The following DSCAML1 variants were observed in gnomAD, a reference collection of about 807,000 sequenced individuals.
DSCAML1 encodes DS cell adhesion molecule like 1.
DSCAML1 carries 38 observed loss-of-function variants against 200.5 expected under a neutral mutation model. The observed-to-expected ratio is 0.19, with a 90% CI of 0.15 to 0.25. DSCAML1 has a LOEUF of 0.25. DSCAML1 is among the 10% of genes least tolerant of loss of function. The pLI, the probability that DSCAML1 is intolerant of heterozygous loss-of-function variation, is 1.00. For missense variants in DSCAML1, 2,223 were observed against 2,858.8 expected (o/e 0.78, Z 5.07); for synonymous variants, 1,215 against 1,165.0 (o/e 1.04, Z -0.87).
At chr11:117,559,948 G>A (rs1277679636) in intron 3 of DSCAML1, among the ~76,000 whole-genome samples, 1 of 152,080 alleles carries the variant, frequency 6.6e-6, no homozygotes, top group Non-Finnish European at 1.5e-5. Context: ...AAGCCAAAGG[G>A]GGAAAGTCCT....
Position 117,489,617 on chromosome 11 carries a change from G to A in DSCAML1, c.2360-7455C>T, listed in dbSNP as rs2049147302. Among the ~76,000 whole-genome samples the A allele has an allele frequency of 6.6e-6, 1 of 152,130 alleles. No individual in the cohort carries two copies. Among genetic ancestry groups the A allele is most frequent in the African/African-American group, 2.4e-5 (1 of 41,434 alleles). On this transcript the variant is annotated intron_variant, in intron 11 of 32. Transcript: ENST00000651296. This position sits in a 1 kb window ranked among gnomAD's most constrained non-coding sequence, Gnocchi z 4.8. ...AGACCCTGGGGGAGTGAAGACCCTG[G>A]TGTGAAGACGGCCCATTTCATTCAA...
At chr11:117,589,421 C>G (rs2051215493) in intron 3 of DSCAML1, among the ~76,000 whole-genome samples, 3 of 152,208 alleles carry the variant, frequency 2.0e-5, no homozygotes, top group African/African-American at 4.8e-5. Flanking sequence ...CCCACCTCCC[C>G]CAACTCAATG....
chr11:117,643,614 GC>G (rs1331911779), intron 3 of DSCAML1, among the ~76,000 whole-genome samples: 1 of 152,170 alleles, frequency 6.6e-6, no homozygotes, highest in Non-Finnish European at 1.5e-5. Context: ...TTAAGGCTGT[GC>G]CGTCTTGGGT....
chr11:117,698,965 C>T (rs547848099), intron 3 of DSCAML1, among the ~76,000 whole-genome samples: 3 of 152,296 alleles, frequency 2.0e-5, no homozygotes, highest in East Asian at 3.9e-4. Flanking sequence ...TCTAGGGCTA[C>T]GGCACTGCAA....
At chr11:117,706,323 T>C (rs979219574) in intron 3 of DSCAML1, among the ~76,000 whole-genome samples, 29 of 152,326 alleles carry the variant, frequency 1.9e-4, no homozygotes, top group Middle Eastern at 6.8e-3. Context: ...CCAATCGGCC[T>C]CTCCTGTTCT....
intron 1 of DSCAML1, among the ~76,000 whole-genome samples, chr11:117,796,066 T>C (rs548745461): frequency 1.3e-4 from 20 of 152,370 alleles, no homozygotes; most frequent in Non-Finnish European, 2.4e-4. Context: ...TCCTCTGCGA[T>C]AGCCTGGAAC....
At chr11:117,648,561 T>A (rs610466) in intron 3 of DSCAML1, among the ~76,000 whole-genome samples, 146,693 of 152,296 alleles carry the variant, frequency 0.96, 70,784 homozygotes, top group Non-Finnish European at 0.99. Context: ...GGGGTCAGAC[T>A]GACCTGTGTG....
chr11:117,585,976 C>T (rs1030561273), intron 3 of DSCAML1, among the ~76,000 whole-genome samples: 18 of 152,208 alleles, frequency 1.2e-4, no homozygotes, highest in Admixed American at 2.0e-4. Flanking sequence ...TCTGCAGCAT[C>T]CAGCACCATG....
At chr11:117,508,756 A>G (rs2049559264) in intron 8 of DSCAML1, among the ~76,000 whole-genome samples, 1 of 152,110 alleles carries the variant, frequency 6.6e-6, no homozygotes, top group Non-Finnish European at 1.5e-5. Context: ...AGGAGGTAGA[A>G]GGTTCTGCAG....
intron 3 of DSCAML1, among the ~76,000 whole-genome samples, chr11:117,758,033 T>G (rs1156391169): frequency 6.6e-6 from 1 of 152,124 alleles, no homozygotes; most frequent in Non-Finnish European, 1.5e-5. Context: ...TCAGGCATGG[T>G]GGCTCACACC....
At chr11:117,756,183 AG>A (rs2054688584) in intron 3 of DSCAML1, among the ~76,000 whole-genome samples, 1 of 152,252 alleles carries the variant, frequency 6.6e-6, no homozygotes, top group Non-Finnish European at 1.5e-5. Context: ...TGGCAGCCCC[AG>A]TTCAGAGCTG....
At chr11:117,630,184 T>C (rs752117658) in intron 3 of DSCAML1, among the ~76,000 whole-genome samples, 6 of 150,462 alleles carry the variant, frequency 4.0e-5, no homozygotes, top group Non-Finnish European at 8.9e-5. Context: ...CATCTCCCAT[T>C]CCAGTGCCCC....
chr11:117,583,528 C>T (rs921727431), intron 3 of DSCAML1, among the ~76,000 whole-genome samples: 2 of 152,166 alleles, frequency 1.3e-5, no homozygotes, highest in African/African-American at 4.8e-5. Context: ...CCTGATTAGC[C>T]CGGCCTACGC....
chr11:117,522,515 C>T (rs1196323176), intron 5 of DSCAML1, among the ~76,000 whole-genome samples: 1 of 152,212 alleles, frequency 6.6e-6, no homozygotes, highest in East Asian at 1.9e-4. Context: ...CTCAGGCTCC[C>T]TGTATAGCTT....
chr11:117,698,741 T>C (rs2053622858), intron 3 of DSCAML1, among the ~76,000 whole-genome samples: 1 of 152,238 alleles, frequency 6.6e-6, no homozygotes, highest in Non-Finnish European at 1.5e-5. Context: ...GAAATGTCTA[T>C]TCCATCCATT....
intron 3 of DSCAML1, among the ~76,000 whole-genome samples, chr11:117,743,634 GC>G (rs1216568044): frequency 6.6e-6 from 1 of 152,150 alleles, no homozygotes; most frequent in African/African-American, 2.4e-5. Context: ...TCCTCCCCAA[GC>G]CCAGATCCTT....
chr11:117,602,681 C>G (rs2051487343), intron 3 of DSCAML1, among the ~76,000 whole-genome samples: 1 of 152,162 alleles, frequency 6.6e-6, no homozygotes, highest in Non-Finnish European at 1.5e-5. Context: ...TCTCTTTCGA[C>G]TCTGCAACAC....
rs1592553563 is a variant in DSCAML1, at chr11:117,428,394, T to C, written c.6096A>G (p.Thr2032=). The change falls in exon 33 of 33, where the codon ACA becomes ACG. Residue 2032 remains threonine (T), a synonymous_variant. Coordinates refer to ENST00000651296, the MANE Select transcript of DSCAML1 (RefSeq NM_020693.4). ...GCTTCTGAGACCTCCCTACCCCCGA[T>C]GTGCTCATCTCGAGAAGCGAGTCCC... ...GSRDSLLEMS[T]SGVGRSQKQG... 1 of 1,581,820 alleles carries C rather than the reference T, an allele frequency of 6.3e-7. No individual in the cohort carries two copies. The highest frequency in any genetic ancestry group is 8.6e-7 in the Non-Finnish European group (1 of 1,168,060).
intron 8 of DSCAML1, among the ~76,000 whole-genome samples, chr11:117,509,694 C>T (rs1359877291): frequency 6.6e-6 from 1 of 152,228 alleles, no homozygotes; most frequent in Non-Finnish European, 1.5e-5. Context: ...CATATATGTA[C>T]ATGGCTGTCC....
Sources: allele counts gnomAD v4.1 joint callset (sites outside exome capture counted in the v4.1 genomes callset), GRCh38; gene constraint gnomAD v4.1.1; non-coding constraint Gnocchi (gnomAD v3.1); transcripts MANE v1.5; gene names NCBI Gene and HGNC (gene_info 2026-07-23, HGNC 2026-07-21).